Variants in DLGAP2 observed in about 807,000 individuals in gnomAD.
DLGAP2 encodes the protein disks large-associated protein 2.
Under a neutral mutation model 100.3 loss-of-function variants are expected in DLGAP2, and 26 were observed. The observed-to-expected ratio is 0.26, with a 90% confidence interval of 0.19 to 0.36. DLGAP2 has a LOEUF of 0.36. DLGAP2 is among the 10% of genes least tolerant of loss of function. The pLI is 1.00. For missense variants in DLGAP2, 1,858 were observed against 1,453.2 expected (o/e 1.28, Z -4.53); for synonymous variants, 886 against 630.1 (o/e 1.41, Z -6.08).
chr8:760,553 A>C (rs565224283), intron 1 of DLGAP2, among the ~76,000 whole-genome samples: 1 of 152,186 alleles, frequency 6.6e-6, no homozygotes, highest in African/African-American at 2.4e-5. Flanking sequence ...TTGCCTAAGA[A>C]TTTTGAGGGC....
chr8:1,503,696 C>G (rs890027365), intron 4 of DLGAP2, among the ~76,000 whole-genome samples: 1 of 152,168 alleles, frequency 6.6e-6, no homozygotes, highest in African/African-American at 2.4e-5. Context: ...CTCCACACTG[C>G]TTAGGGACAG....
intron 1 of DLGAP2, among the ~76,000 whole-genome samples, chr8:776,446 G>A (rs1337047379): frequency 6.6e-6 from 1 of 152,068 alleles, no homozygotes; most frequent in African/African-American, 2.4e-5. Context: ...TGATGTTAGG[G>A]TGTCAATTTT....
At chr8:1,566,457 C>T (rs988428046) in intron 6 of DLGAP2, among the ~76,000 whole-genome samples, 1 of 152,134 alleles carries the variant, frequency 6.6e-6, no homozygotes, top group Non-Finnish European at 1.5e-5. Flanking sequence ...ATCAGCAATT[C>T]CTATGAACCA....
intron 3 of DLGAP2, among the ~76,000 whole-genome samples, chr8:1,272,675 G>A (rs896212061): frequency 6.6e-6 from 1 of 152,132 alleles, no homozygotes. Context: ...TTGACAACTG[G>A]TGTGCAGGAC....
intron 3 of DLGAP2, among the ~76,000 whole-genome samples, chr8:1,407,106 C>T (rs1267177446): frequency 1.4e-3 from 45 of 32,170 alleles, no homozygotes; most frequent in African/African-American, 9.2e-3. Flanking sequence ...CCTTGTCCTC[C>T]GGAGTCGTGT....
intron 2 of DLGAP2, among the ~76,000 whole-genome samples, chr8:1,017,803 C>A (rs1488471331): frequency 6.6e-6 from 1 of 152,242 alleles, no homozygotes; most frequent in Non-Finnish European, 1.5e-5. Flanking sequence ...CCTCACTCCT[C>A]TCCACGCTAC....
At chr8:951,193 A>G (rs1799470376) in intron 2 of DLGAP2, among the ~76,000 whole-genome samples, 1 of 152,318 alleles carries the variant, frequency 6.6e-6, no homozygotes, top group South Asian at 2.1e-4. Flanking sequence ...CTTCAATTAT[A>G]GGATATCTAT....
chr8:1,188,651 G>A (rs1179771140), intron 2 of DLGAP2, among the ~76,000 whole-genome samples: 3 of 152,020 alleles, frequency 2.0e-5, no homozygotes, highest in Admixed American at 6.6e-5. Flanking sequence ...ATAGAACAGC[G>A]ACTCATCCGC....
intron 3 of DLGAP2, among the ~76,000 whole-genome samples, chr8:1,416,627 C>T (rs1251030784): frequency 1.3e-5 from 2 of 152,114 alleles, no homozygotes; most frequent in African/African-American, 2.4e-5. Flanking sequence ...GTCACCTCAA[C>T]ATAGAAATAT....
At chr8:1,701,003 T>C (rs989958825) in intron 14 of DLGAP2, among the ~76,000 whole-genome samples, 185 bp from the exon 15 acceptor site, 1 of 152,162 alleles carries the variant, frequency 6.6e-6, no homozygotes, top group Non-Finnish European at 1.5e-5. Context: ...AATCCCATCC[T>C]GTGCAGAAGG....
Position 1,548,654 on chromosome 8 carries a change from G to T in DLGAP2, c.201G>T (p.Gln67His). Residue 67 changes from glutamine to histidine, a missense_variant, in exon 5 of 15, where the codon CAG becomes CAT. Gln to His is a conservative substitution (Grantham distance 24). Coordinates refer to ENST00000637795, the MANE Select transcript of DLGAP2 (RefSeq NM_001346810.2). Reference sequence around the variant, plus strand: ...CGCAGTACTCATGGTCGCCCACGCAGCACTTCAATGAGGAGCGCTACTCGC... The same window carrying T: ...CGCAGTACTCATGGTCGCCCACGCATCACTTCAATGAGGAGCGCTACTCGC... ...LDPQYSWSPT[Q>H]HFNEERYSPA... 1 of 1,573,954 alleles carries T rather than the reference G, an allele frequency of 6.4e-7. No homozygotes were observed.
chr8:1,433,402 C>T (rs1360312831), intron 3 of DLGAP2, among the ~76,000 whole-genome samples: 4 of 152,178 alleles, frequency 2.6e-5, no homozygotes, highest in African/African-American at 7.2e-5. Flanking sequence ...GCACCCGCTG[C>T]GGTGGCCAGG....
At chr8:1,697,076 AG>A in intron 13 of DLGAP2, 70 bp from the exon 14 acceptor site, 1 of 1,404,718 alleles carries the variant, frequency 7.1e-7, no homozygotes, top group Non-Finnish European at 9.3e-7. Flanking sequence ...ATGCGTGGGG[AG>A]GAGTGGCCTC....
chr8:1,654,330 C>T (rs1299948803), intron 8 of DLGAP2, among the ~76,000 whole-genome samples: 1 of 152,200 alleles, frequency 6.6e-6, no homozygotes, highest in Non-Finnish European at 1.5e-5. Flanking sequence ...TTATTCCTTT[C>T]AAACATGTTT....
chr8:1,654,214 G>A (rs1798231673), intron 8 of DLGAP2, among the ~76,000 whole-genome samples: 1 of 152,188 alleles, frequency 6.6e-6, no homozygotes, highest in African/African-American at 2.4e-5. Flanking sequence ...CACTGACTGT[G>A]AAGATGTGTA....
intron 3 of DLGAP2, among the ~76,000 whole-genome samples, chr8:1,448,512 T>C (rs530597005): frequency 6.6e-6 from 1 of 152,284 alleles, no homozygotes; most frequent in African/African-American, 2.4e-5. Flanking sequence ...TCCAACTATG[T>C]GGTCAATTTT....
At chr8:806,539 T>A (rs577861017) in intron 1 of DLGAP2, among the ~76,000 whole-genome samples, 5 of 152,298 alleles carry the variant, frequency 3.3e-5, no homozygotes, top group African/African-American at 1.2e-4. Flanking sequence ...ACAGGTGCTC[T>A]GCAGAGAGAG....
At chr8:1,373,258 C>T (rs1363176807) in intron 3 of DLGAP2, among the ~76,000 whole-genome samples, 1 of 150,726 alleles carries the variant, frequency 6.6e-6, no homozygotes, top group Non-Finnish European at 1.5e-5. Flanking sequence ...GGGGGAGGCG[C>T]CGCCGCCACG....
intron 2 of DLGAP2, among the ~76,000 whole-genome samples, chr8:1,093,155 A>T (rs1804241355): frequency 6.6e-6 from 1 of 152,208 alleles, no homozygotes; most frequent in Non-Finnish European, 1.5e-5. Flanking sequence ...CCACGGTATG[A>T]GGGCCATCTC....
Sources: gnomAD v4.1 joint callset for allele counts (sites outside exome capture counted in the v4.1 genomes callset) on GRCh38, gnomAD v4.1.1 for gene constraint, MANE v1.5 for transcripts, NCBI Gene and HGNC (gene_info 2026-07-23, HGNC 2026-07-21) for gene names.